DPP6: variants seen among roughly 807,000 people sequenced by gnomAD.
DPP6 encodes dipeptidyl peptidase like 6.
A neutral mutation model predicts 122.6 loss-of-function variants in DPP6; 69 were observed. The ratio of observed to expected loss-of-function variants is 0.56; its 90% CI spans 0.46 to 0.69. The LOEUF is 0.69. Ranked by LOEUF, DPP6 falls within the 30% of genes least tolerant of loss-of-function variation. The pLI is 0.00. For synonymous variants in DPP6, 418 were observed against 433.1 expected (o/e 0.97, Z 0.43); for missense variants, 928 against 1,116.9 (o/e 0.83, Z 2.41).
At chr7:153,890,488 G>A (rs1799141514) in intron 1 of DPP6, among the ~76,000 whole-genome samples, 1 of 152,170 alleles carries the variant, frequency 6.6e-6, no homozygotes, top group African/African-American at 2.4e-5. Flanking sequence ...TCCTTGCCAT[G>A]CCACATTGCT....
At chr7:154,073,069 G>A (rs989793072) in intron 1 of DPP6, among the ~76,000 whole-genome samples, 8 of 152,208 alleles carry the variant, frequency 5.3e-5, no homozygotes, top group Non-Finnish European at 1.2e-4. Flanking sequence ...ATATCTGCAG[G>A]TGCAGAGACC....
intron 1 of DPP6, among the ~76,000 whole-genome samples, chr7:154,361,814 C>T (rs1346872479): frequency 1.3e-5 from 2 of 152,228 alleles, no homozygotes; most frequent in Non-Finnish European, 2.9e-5. Flanking sequence ...GAGGCATTAT[C>T]ATCCCTGCCT....
At chr7:154,061,455 A>G (rs542818153) in intron 1 of DPP6, among the ~76,000 whole-genome samples, 2 of 147,086 alleles carry the variant, frequency 1.4e-5, no homozygotes, top group East Asian at 1.9e-4. Flanking sequence ...CAGGGTTGCT[A>G]AAGGATGGCC....
intron 4 of DPP6, among the ~76,000 whole-genome samples, chr7:154,558,434 G>C (rs1296815603): frequency 3.3e-5 from 5 of 152,142 alleles, no homozygotes; most frequent in Non-Finnish European, 7.4e-5. Flanking sequence ...GAGACCCCAG[G>C]AAAGTAGTTT....
rs564477212 is a variant in DPP6, at chr7:154,319,347, A to G, written c.244-126867A>G. 2.8e-4 allele frequency among the ~76,000 whole-genome samples: 43 copies of G among 152,342 alleles called. No homozygotes were observed. The South Asian group carries it at 8.9e-3, about 32-fold the overall frequency. ...TCTGCATAATTTCAGTGTCTAGAAT[A>G]GAGTAACAGTCCTGCTTTATATTTG... On this transcript the variant is annotated intron_variant, in intron 1 of 25. Coordinates refer to ENST00000377770, the MANE Select transcript of DPP6 (RefSeq NM_130797.4).
At chr7:154,586,027 C>T (rs1015599785) in intron 5 of DPP6, among the ~76,000 whole-genome samples, 3 of 151,984 alleles carry the variant, frequency 2.0e-5, no homozygotes, top group Non-Finnish European at 4.4e-5. Flanking sequence ...ACAGTGAGGG[C>T]AGGAGAGGGA....
rs868113790 is a variant in DPP6, at chr7:153,980,495, C to A, written c.51+92761C>A. 2.2e-4 allele frequency among the ~76,000 whole-genome samples: 33 copies of A among 152,084 alleles called. No individual in the cohort carries two copies. The South Asian group carries it at 2.5e-3, about 12-fold the overall frequency. On this transcript the variant is annotated intron_variant, in intron 1 of 25. Transcript: ENST00000404039. ...TATTTTGTTAATCTTTTAAAAAAAA[C>A]CAGCTCCTGGATTCATTGATTTTTG...
At chr7:154,059,661 A>G (rs1246423587) in intron 1 of DPP6, 1 of 149,850 alleles carries the variant, frequency 6.7e-6, no homozygotes, top group African/African-American at 2.5e-5. Context: ...TCCCAACAAC[A>G]GCAAGTTTTT....
chr7:154,121,164 C>T (rs1390980562), intron 1 of DPP6, among the ~76,000 whole-genome samples: 4 of 152,168 alleles, frequency 2.6e-5, no homozygotes, highest in South Asian at 2.1e-4. Context: ...CTGTTAAACC[C>T]GTTTTCTTTA....
intron 1 of DPP6, among the ~76,000 whole-genome samples, chr7:153,943,285 T>G (rs778843577): frequency 1.3e-5 from 2 of 152,200 alleles, no homozygotes; most frequent in South Asian, 2.1e-4. Flanking sequence ...TTCCCTTGCC[T>G]CTCAAATTCT....
intron 8 of DPP6, 118 bp downstream of exon 8, chr7:154,728,005 G>T: frequency 6.8e-7 from 1 of 1,465,402 alleles, no homozygotes; most frequent in South Asian, 1.5e-5. Context: ...CCAGTTTCTT[G>T]AGGTTCTGCA....
chr7:154,230,456 C>T (rs905207576), intron 1 of DPP6, among the ~76,000 whole-genome samples: 2 of 152,202 alleles, frequency 1.3e-5, no homozygotes, highest in Non-Finnish European at 2.9e-5. Flanking sequence ...AGCTTCATTT[C>T]CACGTGGGTC....
chr7:154,840,726 C>A (rs1014682876), intron 16 of DPP6, among the ~76,000 whole-genome samples: 2 of 152,174 alleles, frequency 1.3e-5, no homozygotes, highest in Admixed American at 6.6e-5. Context: ...TTTTATCATA[C>A]CTTCATTACC....
chr7:154,111,932 A>T (rs1302785373), intron 1 of DPP6, among the ~76,000 whole-genome samples: 1 of 152,216 alleles, frequency 6.6e-6, no homozygotes, highest in East Asian at 1.9e-4. Context: ...TGAAACACAC[A>T]TATTCCTAAT....
At chr7:153,983,957 C>T (rs572603322) in intron 1 of DPP6, among the ~76,000 whole-genome samples, 25 of 152,180 alleles carry the variant, frequency 1.6e-4, no homozygotes, top group Admixed American at 2.6e-4. Flanking sequence ...GCATTGGTCT[C>T]GCTGGGAGCT....
chr7:154,610,298 C>G (rs561426243), intron 5 of DPP6, among the ~76,000 whole-genome samples: 2 of 152,202 alleles, frequency 1.3e-5, no homozygotes, highest in African/African-American at 2.4e-5. Flanking sequence ...ACTTGACAGC[C>G]TTGAAATTGA....
chr7:154,023,318 G>GCACGCACACGCGCACA (rs373378162), intron 1 of DPP6, among the ~76,000 whole-genome samples: 2 of 129,528 alleles, frequency 1.5e-5, no homozygotes, highest in South Asian at 2.7e-4. Flanking sequence ...TTTCTTGTCT[G>GCACGCACACGCGCACA]CACACACACA....
chr7:154,215,174 G>T (rs1452284005), intron 1 of DPP6, among the ~76,000 whole-genome samples: 2 of 152,204 alleles, frequency 1.3e-5, no homozygotes, highest in East Asian at 3.9e-4. Context: ...GCGGAAGGTG[G>T]AAGGCAAAGG....
At chr7:154,585,658 G>A (rs1832391657) in intron 5 of DPP6, among the ~76,000 whole-genome samples, 1 of 152,314 alleles carries the variant, frequency 6.6e-6, no homozygotes, top group Non-Finnish European at 1.5e-5. Flanking sequence ...TAGGTTACTT[G>A]TAGAATCAAA....
Sources: gnomAD v4.1 joint callset for allele counts (sites outside exome capture counted in the v4.1 genomes callset) on GRCh38, gnomAD v4.1.1 for gene constraint, MANE v1.5 for transcripts, NCBI Gene and HGNC (gene_info 2026-07-23, HGNC 2026-07-21) for gene names.